The following RALGPS2 variants were observed in gnomAD, a reference collection of about 807,000 sequenced individuals.
The protein encoded by RALGPS2 is ras-specific guanine nucleotide-releasing factor RalGPS2.
In RALGPS2, 43 loss-of-function variants were observed where a neutral mutation model predicts 86.8. That is an observed-to-expected ratio of 0.50 (90% CI 0.39 to 0.64). RALGPS2 has a LOEUF of 0.64. Among genes scored for constraint, RALGPS2 ranks in the 30% least tolerant of loss-of-function variants. RALGPS2 has a pLI of 0.00. For missense variants in RALGPS2, 536 were observed against 694.6 expected (o/e 0.77, Z 2.57); for synonymous variants, 243 against 231.3 (o/e 1.05, Z -0.46).
At position 178,915,992 on chromosome 1, in the gene RALGPS2, C is replaced by G. The variant is rs569756204; in HGVS notation, c.1723-338C>G. Among the ~76,000 whole-genome samples the G allele has an allele frequency of 5.3e-5, 8 of 152,210 alleles. No homozygotes were observed. In the South Asian group the frequency reaches 1.5e-3, roughly 28 times the overall value. The stretch of plus-strand genomic sequence containing the variant: ...AATGGCAAACAAGTGTATCTGGAAT[C>G]TCACCCTACCAGAGTCATACTTACT... On this transcript the variant is annotated intron_variant, in intron 19 of 19. Transcript: ENST00000367635.
At chr1:178,784,127 A>G (rs530899040) in intron 2 of RALGPS2, among the ~76,000 whole-genome samples, 1 of 152,276 alleles carries the variant, frequency 6.6e-6, no homozygotes, top group South Asian at 2.1e-4. Flanking sequence ...TCATTGAACT[A>G]GTTAAAATCA....
chr1:178,892,416 T>A, intron 15 of RALGPS2, 109 bp downstream of exon 15: 1 of 850,924 alleles, frequency 1.2e-6, no homozygotes, highest in South Asian at 1.9e-5. Context: ...CTAATTGATT[T>A]AAAAACTAAA....
At chr1:178,796,404 C>G (rs1431926328) in intron 4 of RALGPS2, among the ~76,000 whole-genome samples, 3 of 152,144 alleles carry the variant, frequency 2.0e-5, no homozygotes, top group Non-Finnish European at 4.4e-5. Context: ...CCATATTAGG[C>G]TGAATGCTAA....
At chr1:178,792,519 T>C (rs1209484322) in intron 4 of RALGPS2, among the ~76,000 whole-genome samples, 1 of 152,142 alleles carries the variant, frequency 6.6e-6, no homozygotes, top group Non-Finnish European at 1.5e-5. Flanking sequence ...AATAGGAGTA[T>C]TCTTTAGTGT....
chr1:178,880,654 G>A (rs1382307313), intron 10 of RALGPS2, among the ~76,000 whole-genome samples: 2 of 152,106 alleles, frequency 1.3e-5, no homozygotes, highest in Non-Finnish European at 2.9e-5. Context: ...ATGTAGAACA[G>A]ATATCTTAAA....
intron 15 of RALGPS2, 34 bp from the exon 16 acceptor site, chr1:178,893,885 A>C: frequency 7.1e-7 from 1 of 1,399,656 alleles, no homozygotes; most frequent in Non-Finnish European, 1.0e-6. Flanking sequence ...TTGTAGACAA[A>C]AGCTCTTATG....
intron 1 of RALGPS2, among the ~76,000 whole-genome samples, chr1:178,766,515 C>T (rs115688037): frequency 0.03 from 4,597 of 152,134 alleles, 227 homozygotes; most frequent in African/African-American, 0.1. Flanking sequence ...AGGTGTGAGC[C>T]ACCGCACCTA....
At chr1:178,745,822 C>CTTTTTTTTTTTTTT (rs34277622) in intron 1 of RALGPS2, among the ~76,000 whole-genome samples, 3 of 86,112 alleles carry the variant, frequency 3.5e-5, no homozygotes, top group African/African-American at 1.2e-4. Context: ...TTCAATTCTT[C>CTTTTTTTTTTTTTT]TTTTTTTTTT....
chr1:178,824,067 T>C (rs564037142), intron 7 of RALGPS2, among the ~76,000 whole-genome samples: 1 of 152,314 alleles, frequency 6.6e-6, no homozygotes, highest in Non-Finnish European at 1.5e-5. Context: ...AGAAAATGTT[T>C]CAATAAAAAT....
chr1:178,835,373 G>T (rs1227676421), intron 8 of RALGPS2, among the ~76,000 whole-genome samples: 3 of 149,122 alleles, frequency 2.0e-5, no homozygotes, highest in African/African-American at 7.4e-5. Flanking sequence ...TGGGAGCATT[G>T]TGATATCTTC....
intron 1 of RALGPS2, among the ~76,000 whole-genome samples, chr1:178,734,187 T>A (rs551950222): frequency 6.6e-6 from 1 of 152,320 alleles, no homozygotes; most frequent in African/African-American, 2.4e-5. Context: ...CTAGGATGAC[T>A]TGAATGAAAA....
intron 8 of RALGPS2, among the ~76,000 whole-genome samples, chr1:178,847,244 G>A (rs1050724833): frequency 3.9e-5 from 6 of 152,170 alleles, no homozygotes; most frequent in Admixed American, 2.6e-4. Flanking sequence ...TCAGGAGTTC[G>A]AGACTAGCCT....
intron 6 of RALGPS2, among the ~76,000 whole-genome samples, chr1:178,813,484 C>T (rs1174374772): frequency 6.6e-6 from 1 of 152,062 alleles, no homozygotes; most frequent in African/African-American, 2.4e-5. Context: ...TCCCTTAAAC[C>T]CTTCTATTCT....
At chr1:178,779,789 AGT>A (rs1653290761) in intron 2 of RALGPS2, among the ~76,000 whole-genome samples, 1 of 152,218 alleles carries the variant, frequency 6.6e-6, no homozygotes, top group Admixed American at 6.5e-5. Context: ...GCTGGAGTGC[AGT>A]GGCACGATCT....
chr1:178,859,552 C>T (rs1469581550), intron 8 of RALGPS2, among the ~76,000 whole-genome samples: 8 of 150,872 alleles, frequency 5.3e-5, no homozygotes, highest in African/African-American at 1.9e-4. Context: ...TACAGGCGCC[C>T]GCCACTACGA....
chr1:178,858,161 A>C (rs1035688409), intron 8 of RALGPS2, among the ~76,000 whole-genome samples: 17 of 152,276 alleles, frequency 1.1e-4, no homozygotes, highest in Non-Finnish European at 2.2e-4. Context: ...ATTAGATATC[A>C]GAATTCAATA....
At chr1:178,860,796 A>G (rs1657951244) in intron 8 of RALGPS2, among the ~76,000 whole-genome samples, 1 of 152,178 alleles carries the variant, frequency 6.6e-6, no homozygotes, top group African/African-American at 2.4e-5. Flanking sequence ...ACCTCCATGT[A>G]AAGTACAGTA....
chr1:178,797,201 G>A lies in RALGPS2; in HGVS notation c.214-10844G>A, dbSNP rs140477933. 9.4e-3 allele frequency among the ~76,000 whole-genome samples: 1,424 copies of A among 152,274 alleles called. 14 individuals carry two copies. The highest frequency in any genetic ancestry group is 0.014 in the Non-Finnish European group (933 of 68,022). ...CTTGACCAGGCTGAACTGTCAATATGCAAGATGGCATCTGTGGCATAATTT... is the reference window on the plus strand; with the variant it reads ...CTTGACCAGGCTGAACTGTCAATATACAAGATGGCATCTGTGGCATAATTT... On this transcript the variant is annotated intron_variant, in intron 4 of 19. Transcript: ENST00000367635.
At chr1:178,728,377 TA>T (rs1182485755) in intron 1 of RALGPS2, among the ~76,000 whole-genome samples, 1 of 146,710 alleles carries the variant, frequency 6.8e-6, no homozygotes, top group Non-Finnish European at 1.5e-5. Context: ...AGTTAAACTT[TA>T]AACCCATTTT....
Sources: allele counts gnomAD v4.1 joint callset (sites outside exome capture counted in the v4.1 genomes callset), GRCh38; gene constraint gnomAD v4.1.1; transcripts MANE v1.5; gene names NCBI Gene and HGNC (gene_info 2026-07-23, HGNC 2026-07-21).